The following NCAM2 variants were observed in gnomAD, a reference collection of about 807,000 sequenced individuals.
NCAM2 encodes the protein N-CAM-2.
A neutral mutation model predicts 98.1 loss-of-function variants in NCAM2; 30 were observed. That is an observed-to-expected ratio of 0.31 (90% CI 0.23 to 0.41). NCAM2 has a LOEUF of 0.41. NCAM2 is among the 10% of genes least tolerant of loss of function. The probability of loss-of-function intolerance (pLI) is 1.00; values close to 1 mark genes in which losing one functional copy is unlikely to be tolerated. For missense variants in NCAM2, 867 were observed against 1,005.8 expected (o/e 0.86, Z 1.87); for synonymous variants, 368 against 342.4 (o/e 1.07, Z -0.83).
At chr21:21,144,923 G>A (rs1412353664) in intron 1 of NCAM2, among the ~76,000 whole-genome samples, 1 of 152,128 alleles carries the variant, frequency 6.6e-6, no homozygotes, top group Admixed American at 6.6e-5. Context: ...AATGTCAGGG[G>A]TCGCCGTGTT....
At chr21:21,081,517 T>G (rs1344478839) in intron 1 of NCAM2, among the ~76,000 whole-genome samples, 1 of 152,056 alleles carries the variant, frequency 6.6e-6, no homozygotes, top group Non-Finnish European at 1.5e-5. Context: ...TTAAGAATTC[T>G]CAACTGGGCA....
At chr21:21,167,251 C>T (rs1404649713) in intron 1 of NCAM2, among the ~76,000 whole-genome samples, 1 of 151,748 alleles carries the variant, frequency 6.6e-6, no homozygotes. Context: ...ATCTATTGTG[C>T]TTTATTATCA....
intron 9 of NCAM2, among the ~76,000 whole-genome samples, chr21:21,408,946 T>C (rs1404868105): frequency 6.6e-6 from 1 of 150,730 alleles, no homozygotes. Flanking sequence ...ATATAATTAG[T>C]AGATATAACA....
intron 1 of NCAM2, among the ~76,000 whole-genome samples, chr21:21,042,978 C>G (rs1444213539): frequency 1.3e-5 from 2 of 152,288 alleles, no homozygotes; most frequent in East Asian, 3.9e-4. Context: ...GTAACATGTA[C>G]TGTCAATATA....
intron 12 of NCAM2, among the ~76,000 whole-genome samples, chr21:21,455,956 C>A (rs1299364420): frequency 6.6e-6 from 1 of 151,834 alleles, no homozygotes; most frequent in Non-Finnish European, 1.5e-5. Flanking sequence ...TTATGAATTT[C>A]TTCCCAATAT....
intron 1 of NCAM2, among the ~76,000 whole-genome samples, chr21:21,109,964 A>T (rs1310211233): frequency 1.3e-5 from 2 of 152,200 alleles, no homozygotes; most frequent in Admixed American, 1.3e-4. Flanking sequence ...TATTTTCTTA[A>T]TTCGAGTATG....
chr21:21,220,625 C>T (rs1308189225), intron 1 of NCAM2, among the ~76,000 whole-genome samples: 3 of 152,214 alleles, frequency 2.0e-5, no homozygotes, highest in East Asian at 3.9e-4. Context: ...CTTATTTCAT[C>T]CCTTTCATGT....
intron 16 of NCAM2, among the ~76,000 whole-genome samples, chr21:21,519,569 T>C (rs138084483): frequency 3.1e-5 from 1 of 32,722 alleles, no homozygotes; most frequent in East Asian, 9.1e-4. Flanking sequence ...AACCCTGTTA[T>C]TTGTTAATTT....
intron 8 of NCAM2, among the ~76,000 whole-genome samples, chr21:21,339,435 T>G (rs1174212615): frequency 2.6e-5 from 4 of 152,014 alleles, no homozygotes; most frequent in Non-Finnish European, 1.5e-5. Flanking sequence ...ACTTTTCATA[T>G]GAACTTCAAA....
intron 1 of NCAM2, among the ~76,000 whole-genome samples, chr21:21,056,210 C>T (rs2065206975): frequency 6.6e-6 from 1 of 151,998 alleles, no homozygotes; most frequent in African/African-American, 2.4e-5. Context: ...AACATGGAAT[C>T]AGGGAGTCAT....
chr21:21,079,870 C>A (rs758647017), intron 1 of NCAM2, among the ~76,000 whole-genome samples: 2 of 152,214 alleles, frequency 1.3e-5, no homozygotes, highest in Non-Finnish European at 2.9e-5. Flanking sequence ...ATAACTGTTA[C>A]CTACATGAAA....
At chr21:21,530,336 TAC>T (rs199904067) in intron 16 of NCAM2, among the ~76,000 whole-genome samples, 1,073 of 26,190 alleles carry the variant, frequency 0.041, 38 homozygotes, top group African/African-American at 0.14. Flanking sequence ...AATTAAATTA[TAC>T]ATAATTAAAT....
chr21:21,431,574 T>G (rs985575179), intron 11 of NCAM2, among the ~76,000 whole-genome samples: 6 of 152,164 alleles, frequency 3.9e-5, no homozygotes, highest in African/African-American at 1.4e-4. Flanking sequence ...TTAGACCTAA[T>G]AGTTTACAGT....
intron 16 of NCAM2, among the ~76,000 whole-genome samples, chr21:21,530,176 A>G (rs1989563334): frequency 1.5e-5 from 2 of 136,466 alleles, no homozygotes; most frequent in African/African-American, 2.7e-5. Context: ...TAATTTAATT[A>G]TATATGATTT....
rs1555879829 is a variant in NCAM2, at chr21:21,356,499, C to A, written c.1045-17364C>A. ...GAAGATTACATTATATTTTTTGTTT[C>A]TTTTTTTATTCTTAAGAAAATGTAA... On this transcript the variant is annotated intron_variant, in intron 8 of 17. Coordinates refer to ENST00000400546, the MANE Select transcript of NCAM2 (RefSeq NM_004540.5). Among the ~76,000 whole-genome samples the A allele has an allele frequency of 2.6e-5, 4 of 151,814 alleles. No individual in the cohort carries two copies. The South Asian group carries it at 8.3e-4, about 32-fold the overall frequency.
chr21:21,470,546 A>G (rs1014735137), intron 14 of NCAM2, among the ~76,000 whole-genome samples: 3 of 152,052 alleles, frequency 2.0e-5, no homozygotes, highest in Non-Finnish European at 4.4e-5. Flanking sequence ...TTTTGTCTCC[A>G]GTAAAGTTAC....
chr21:21,034,838 G>A (rs925778221), intron 1 of NCAM2, among the ~76,000 whole-genome samples: 1 of 30,154 alleles, frequency 3.3e-5, no homozygotes, highest in African/African-American at 1.4e-4. Context: ...CATTAACTTG[G>A]CCTAATTATT....
intron 12 of NCAM2, among the ~76,000 whole-genome samples, chr21:21,462,817 T>C (rs1344898866): frequency 6.6e-6 from 1 of 152,082 alleles, no homozygotes; most frequent in African/African-American, 2.4e-5. Flanking sequence ...GAAAAATTCA[T>C]GATTGTTTAT....
At chr21:21,224,710 C>T (rs1228888223) in intron 1 of NCAM2, among the ~76,000 whole-genome samples, 1 of 152,040 alleles carries the variant, frequency 6.6e-6, no homozygotes, top group East Asian at 1.9e-4. Flanking sequence ...TGAACCTGAA[C>T]AGATGCCCTT....
Sources: gnomAD v4.1 joint callset for allele counts (sites outside exome capture counted in the v4.1 genomes callset) on GRCh38, gnomAD v4.1.1 for gene constraint, MANE v1.5 for transcripts, NCBI Gene and HGNC (gene_info 2026-07-23, HGNC 2026-07-21) for gene names.